Variants in PLEKHG2 observed in about 807,000 individuals in gnomAD.
PLEKHG2 encodes pleckstrin homology domain-containing family G member 2.
A neutral mutation model predicts 104.4 loss-of-function variants in PLEKHG2; 71 were observed. That is an observed-to-expected ratio of 0.68 (90% CI 0.56 to 0.83). The LOEUF is 0.83. PLEKHG2 is among the 40% of genes least tolerant of loss of function. PLEKHG2 has a pLI of 0.00. For synonymous variants in PLEKHG2, 728 were observed against 737.0 expected (o/e 0.99, Z 0.20); for missense variants, 1,730 against 1,809.4 (o/e 0.96, Z 0.80).
rs758389406 is a variant in PLEKHG2, at chr19:39,424,463, A to C, written c.3330A>C (p.Ser1110=). The C allele has an allele frequency of 8.7e-6, 14 of 1,613,490 alleles. No individual in the cohort carries two copies. In the Admixed American group the frequency reaches 2.3e-4, roughly 27 times the overall value. The change falls in exon 19 of 19, where the codon TCA becomes TCC. Residue 1110 remains serine, a synonymous_variant. Coordinates refer to ENST00000425673, the MANE Select transcript of PLEKHG2 (RefSeq NM_022835.3). ...HLPDLQIPGT[S]PLPAHGSHLD... ...CAGACCTTCAGATTCCAGGTACCTC[A>C]CCTTTGCCTGCACATGGAAGCCACC...
intron 13 of PLEKHG2, 36 bp from the exon 14 acceptor site, chr19:39,420,913 T>A: frequency 6.2e-7 from 1 of 1,614,066 alleles, no homozygotes; most frequent in South Asian, 1.1e-5. Flanking sequence ...ACCCGGGAGC[T>A]GGGCTCACAC....
In PLEKHG2 at chr19:39,414,052, G is replaced by A. The variant is rs2078562112; in HGVS notation, c.-22-13G>A. The A allele has an allele frequency of 1.3e-6, 2 of 1,529,394 alleles. No individual in the cohort carries two copies. The highest frequency in any genetic ancestry group is 1.8e-6 in the Non-Finnish European group (2 of 1,128,548). 94.7% of individuals were successfully genotyped at this position (1,529,394 alleles called of 1,614,324 possible). On this transcript the variant is annotated splice_polypyrimidine_tract_variant and intron_variant, in intron 1 of 18. Transcript: ENST00000425673. Reference sequence around the variant, plus strand: ...ATGGGGTCCTGATATCCAAGAAGGGGCTCTTTCTGCAGGACTCTGCTGGGC... The same window carrying A: ...ATGGGGTCCTGATATCCAAGAAGGGACTCTTTCTGCAGGACTCTGCTGGGC...
chr19:39,412,909 C>T lies in PLEKHG2; in HGVS notation c.-526C>T, dbSNP rs2078542665. The T allele has an allele frequency of 6.6e-6, 1 of 152,254 alleles. No individual in the cohort carries two copies. The highest frequency in any genetic ancestry group is 2.4e-5 in the African/African-American group (1 of 41,444). The allele number at this position is 152,254 out of a possible 1,614,324, so 9.4% of individuals were successfully genotyped here. A position where few individuals can be genotyped will look rare whatever the true frequency, so the allele number is the denominator to read the frequency against. On this transcript the variant is annotated 5_prime_UTR_variant, in exon 1 of 19. Coordinates refer to ENST00000425673, the MANE Select transcript of PLEKHG2 (RefSeq NM_022835.3). Reference sequence around the variant, plus strand: ...CCCTGGAGGCCGAGCGCCCCGTATCCCCGTTTCAAGAACTCAGGATCCAGG... The same window carrying T: ...CCCTGGAGGCCGAGCGCCCCGTATCTCCGTTTCAAGAACTCAGGATCCAGG...
chr19:39,426,783 C>G lies in PLEKHG2; in HGVS notation c.*1489C>G, dbSNP rs1338094566. On this transcript the variant is annotated 3_prime_UTR_variant, in exon 19 of 19. Transcript: ENST00000425673. ...GAGCATCATTCAAATCACAGATCCC[C>G]CAGTATCTAGTCCCAACCTATTGAA... 1 of 152,164 alleles carries G rather than the reference C, an allele frequency of 6.6e-6. No individual in the cohort carries two copies. Among genetic ancestry groups the G allele is most frequent in the African/African-American group, 2.4e-5 (1 of 41,436 alleles). The allele number at this position is 152,164 out of a possible 1,614,324, so 9.4% of individuals were successfully genotyped here.
Position 39,425,259 on chromosome 19 carries a change from G to A in PLEKHG2, c.4126G>A (p.Ala1376Thr), listed in dbSNP as rs2078767761. ...STQESMGLHR[A>T]QGAPDAPFHM ...ACAGGAATCTATGGGCCTTCACAGG[G>A]CCCAGGGGGCTCCTGATGCCCCCTT... The change falls in exon 19 of 19, where the codon GCC (alanine) becomes ACC (threonine). Residue 1376 changes from alanine to threonine, a missense_variant. Transcript: ENST00000425673. The A allele has an allele frequency of 1.9e-6, 3 of 1,612,954 alleles. No homozygotes were observed. The highest frequency in any genetic ancestry group is 1.7e-5 in the Admixed American group (1 of 59,862).
rs767621999 is a variant in PLEKHG2 at position 39,416,517 on chromosome 19, C to T, written c.547-34C>T. The T allele has an allele frequency of 2.5e-6, 4 of 1,613,480 alleles. No homozygotes were observed. Among genetic ancestry groups the T allele is most frequent in the South Asian group, 2.2e-5 (2 of 91,064 alleles). On this transcript the variant is annotated intron_variant, in intron 5 of 18. Transcript: ENST00000425673. The surrounding 1 kb of genome is among the most constrained non-coding windows in gnomAD (Gnocchi z 4.5). Reference sequence around the variant, plus strand: ...GAAGGGGGGTCGTGGGAAGCCAGGACCTGGGGTCTCCCTGACTCCCATGTC... The same window carrying T: ...GAAGGGGGGTCGTGGGAAGCCAGGATCTGGGGTCTCCCTGACTCCCATGTC...
rs779338724 is a variant in PLEKHG2, at chr19:39,424,950, A to G, written c.3817A>G (p.Asn1273Asp). 9 of 1,613,988 alleles carry G rather than the reference A, an allele frequency of 5.6e-6. No individual in the cohort carries two copies. Among genetic ancestry groups the G allele is most frequent in the Non-Finnish European group, 7.6e-6 (9 of 1,180,016 alleles). The change falls in exon 19 of 19, where the codon AAT (asparagine) becomes GAT (aspartate). Residue 1273 changes from asparagine (N) to aspartate (D), a missense_variant. Coordinates refer to ENST00000425673, the MANE Select transcript of PLEKHG2 (RefSeq NM_022835.3). ...TTCCAGCCGTCAGCTCCTGGGCCCC[A>G]ATGCAGCTGCCCTCTCCAGATACCT... ...PPSSRQLLGPNAAALSRYLAA... is the reference protein window; with the variant it reads ...PPSSRQLLGPDAAALSRYLAA...
Position 39,426,847 on chromosome 19 carries a change from T to TC in PLEKHG2, c.*1553_*1554insC, listed in dbSNP as rs1459050780. On this transcript the variant is annotated 3_prime_UTR_variant, in exon 19 of 19. Coordinates refer to ENST00000425673, the MANE Select transcript of PLEKHG2 (RefSeq NM_022835.3). The stretch of plus-strand genomic sequence containing the variant: ...GGAAGGAGGAGCTTGGGAATCTGAT[T>TC]TTTTTTTTTTTTTTTAGATAAAGTC... 1 of 146,964 alleles carries TC rather than the reference T, an allele frequency of 6.8e-6. No individual in the cohort carries two copies. Among genetic ancestry groups the TC allele is most frequent in the Non-Finnish European group, 1.5e-5 (1 of 66,162 alleles). 9.1% of individuals were successfully genotyped at this position (146,964 alleles called of 1,614,324 possible).
At chr19:39,419,115 C>T in intron 11 of PLEKHG2, 112 bp downstream of exon 11, 1 of 983,344 alleles carries the variant, frequency 1.0e-6, no homozygotes, top group Non-Finnish European at 1.4e-6. Flanking sequence ...AATGTGATTG[C>T]TAAAAGTGCA....
chr19:39,414,494 A>C (rs978788182), intron 2 of PLEKHG2, among the ~76,000 whole-genome samples: 1 of 152,226 alleles, frequency 6.6e-6, no homozygotes, highest in Non-Finnish European at 1.5e-5. Flanking sequence ...GACAAGGAAG[A>C]GTATTCTACA....
chr19:39,417,373 G>A (rs1000198214), intron 7 of PLEKHG2, among the ~76,000 whole-genome samples, 182 bp from the exon 8 acceptor site: 5 of 151,140 alleles, frequency 3.3e-5, no homozygotes, highest in African/African-American at 9.7e-5. Flanking sequence ...GGCTAGTCTC[G>A]AACTCCTGGC....
rs2078565224 is a variant in PLEKHG2, at chr19:39,414,213, G to C, written c.109+18G>C. On this transcript the variant is annotated intron_variant, in intron 2 of 18. Coordinates refer to ENST00000425673, the MANE Select transcript of PLEKHG2 (RefSeq NM_022835.3). Reference sequence around the variant, plus strand: ...TCGGACAGGTGAGCCTAGAGGCAGGGGCGGCGGAGCCTGTGGGGCTTTTAT... The same window carrying C: ...TCGGACAGGTGAGCCTAGAGGCAGGCGCGGCGGAGCCTGTGGGGCTTTTAT... The C allele has an allele frequency of 6.5e-7, 1 of 1,549,664 alleles. No homozygotes were observed. The highest frequency in any genetic ancestry group is 8.7e-7 in the Non-Finnish European group (1 of 1,145,522).
rs756506817 is a variant in PLEKHG2, at chr19:39,423,482, T to A, written c.2428T>A (p.Ser810Thr). 18 of 1,597,910 alleles carry A rather than the reference T, an allele frequency of 1.1e-5. No homozygotes were observed. In the South Asian group the frequency reaches 1.9e-4, roughly 17 times the overall value. ...GAGCGGGAAGGCAGGAGCCCCGAGT[T>A]CAGAAAGGACGGCGTCCCGAGTGCG... ...SGSGKAGAPSSERTASRVREL... is the reference protein window; with the variant it reads ...SGSGKAGAPSTERTASRVREL... The change falls in exon 18 of 19, where the codon TCA (serine) becomes ACA (threonine). Residue 810 changes from serine to threonine, a missense_variant. By Grantham distance (58) the Ser-to-Thr change is moderately conservative. Transcript: ENST00000425673.
chr19:39,420,453 A>C (rs754741203), intron 11 of PLEKHG2, among the ~76,000 whole-genome samples, 173 bp from the exon 12 acceptor site: 1 of 152,138 alleles, frequency 6.6e-6, no homozygotes, highest in Non-Finnish European at 1.5e-5. Flanking sequence ...TGATCCCAGA[A>C]GTAGAGGCTG....
intron 8 of PLEKHG2, 26 bp downstream of exon 8, chr19:39,417,718 GC>G (rs764180728): frequency 1.7e-5 from 28 of 1,605,050 alleles, no homozygotes; most frequent in Non-Finnish European, 2.4e-5. Flanking sequence ...GCTGGGGCTT[GC>G]TGGATGAGGG....
chr19:39,423,948 C>T lies in PLEKHG2; in HGVS notation c.2815C>T (p.Pro939Ser), dbSNP rs745606195. 1.9e-6 allele frequency: 3 copies of T among 1,614,168 alleles called. No individual in the cohort carries two copies. The highest frequency in any genetic ancestry group is 2.5e-6 in the Non-Finnish European group (3 of 1,180,000). The change falls in exon 19 of 19, where the codon CCT becomes TCT. Residue 939 changes from proline to serine, a missense_variant. Pro to Ser is a moderately conservative substitution (Grantham distance 74). Coordinates refer to ENST00000425673, the MANE Select transcript of PLEKHG2 (RefSeq NM_022835.3). ...GIHVSAATLL[P>S]EQGGSRHVQA... Reference sequence around the variant, plus strand: ...CCACGTTTCAGCTGCTACCCTTTTGCCTGAGCAAGGAGGTTCCCGGCATGT... The same window carrying T: ...CCACGTTTCAGCTGCTACCCTTTTGTCTGAGCAAGGAGGTTCCCGGCATGT...
At chr19:39,419,282 A>G (rs537211490) in intron 11 of PLEKHG2, among the ~76,000 whole-genome samples, 18 of 152,314 alleles carry the variant, frequency 1.2e-4, no homozygotes, top group African/African-American at 4.3e-4. Context: ...GTCACCAGCC[A>G]CGTCATGGGC....
Position 39,425,038 on chromosome 19 carries a change from C to T in PLEKHG2, c.3905C>T (p.Ala1302Val), listed in dbSNP as rs1322556507. ...RRQGPGGGAPAASRGSWSSAP... is the reference protein window; with the variant it reads ...RRQGPGGGAPVASRGSWSSAP... ...CAGGGGCCTGGGGGAGGGGCCCCCGCAGCCTCCCGGGGCTCCTGGTCCTCT... is the reference window on the plus strand; with the variant it reads ...CAGGGGCCTGGGGGAGGGGCCCCCGTAGCCTCCCGGGGCTCCTGGTCCTCT... The change falls in exon 19 of 19, where the codon GCA (alanine) becomes GTA (valine). Residue 1302 changes from alanine (A) to valine (V), a missense_variant. Coordinates refer to ENST00000425673, the MANE Select transcript of PLEKHG2 (RefSeq NM_022835.3). 1 of 1,598,704 alleles carries T rather than the reference C, an allele frequency of 6.3e-7. No homozygotes were observed. Among genetic ancestry groups the T allele is most frequent in the South Asian group, 1.1e-5 (1 of 89,696 alleles).
In PLEKHG2 at chr19:39,416,723, G is replaced by A; in HGVS notation, c.593+126G>A. 1.8e-5 allele frequency: 26 copies of A among 1,467,044 alleles called. No homozygotes were observed. Among genetic ancestry groups the A allele is most frequent in the Non-Finnish European group, 2.4e-5 (26 of 1,064,978 alleles). 90.9% of individuals were successfully genotyped at this position (1,467,044 alleles called of 1,614,324 possible). A position where few individuals can be genotyped will look rare whatever the true frequency, so the allele number is the denominator to read the frequency against. On this transcript the variant is annotated intron_variant, in intron 6 of 18. Transcript: ENST00000425673. The surrounding 1 kb of genome is among the most constrained non-coding windows in gnomAD (Gnocchi z 4.5). ...CCCCTGCCAGGCTGTGACAGTAACT[G>A]ACCTCTCCCTCACTGCCCCGCCCCC...
Sources: gnomAD v4.1 joint callset for allele counts (sites outside exome capture counted in the v4.1 genomes callset) on GRCh38, gnomAD v4.1.1 for gene constraint, Gnocchi (gnomAD v3.1) non-coding constraint, MANE v1.5 for transcripts, NCBI Gene and HGNC (gene_info 2026-07-23, HGNC 2026-07-21) for gene names.